Variants in ZMAT4 observed in about 807,000 individuals in gnomAD.
The protein encoded by ZMAT4 is zinc finger matrin-type 4.
Under a neutral mutation model 28.7 loss-of-function variants are expected in ZMAT4, and 17 were observed. That is an observed-to-expected ratio of 0.59 (90% CI 0.41 to 0.89). ZMAT4 has a LOEUF of 0.89. ZMAT4 is among the 40% of genes least tolerant of loss of function. ZMAT4 has a pLI of 0.00. For synonymous variants in ZMAT4, 117 were observed against 109.2 expected, an observed-to-expected ratio of 1.07 and a Z score of -0.44; for missense variants, 240 against 283.8, an observed-to-expected ratio of 0.85 and a Z score of 1.11.
At chr8:40,559,129 GACTA>G (rs746117465) in intron 6 of ZMAT4, among the ~76,000 whole-genome samples, 7 of 152,256 alleles carry the variant, frequency 4.6e-5, no homozygotes, top group South Asian at 4.1e-4. Context: ...ACCAGACACT[GACTA>G]ACTGAGTCCT....
chr8:40,578,928 G>C (rs546094890), intron 6 of ZMAT4, among the ~76,000 whole-genome samples: 6 of 152,314 alleles, frequency 3.9e-5, no homozygotes, highest in African/African-American at 1.4e-4. Flanking sequence ...GAATGACATG[G>C]AGTAAGTGGA....
intron 1 of ZMAT4, among the ~76,000 whole-genome samples, chr8:40,828,373 T>C (rs1586128133): frequency 6.6e-6 from 1 of 152,248 alleles, no homozygotes; most frequent in East Asian, 1.9e-4. Context: ...ATGACCTGGT[T>C]AATAGGAATC....
chr8:40,575,017 T>C (rs1418285935), intron 6 of ZMAT4, among the ~76,000 whole-genome samples: 1 of 152,198 alleles, frequency 6.6e-6, no homozygotes, highest in African/African-American at 2.4e-5. Context: ...GGGGAGCTGA[T>C]AGCCACTGTG....
chr8:40,856,401 C>T (rs1036622543), intron 1 of ZMAT4, among the ~76,000 whole-genome samples: 1 of 152,152 alleles, frequency 6.6e-6, no homozygotes, highest in Admixed American at 6.5e-5. Context: ...GGGAGGACAG[C>T]ATGGGCAAAG....
intron 5 of ZMAT4, among the ~76,000 whole-genome samples, chr8:40,653,859 A>C (rs1807797525): frequency 6.6e-6 from 1 of 152,210 alleles, no homozygotes; most frequent in Non-Finnish European, 1.5e-5. Flanking sequence ...CCAATCCTTC[A>C]CAAAGTCTTT....
chr8:40,532,900 A>G (rs1437132327), intron 6 of ZMAT4, among the ~76,000 whole-genome samples: 1 of 152,008 alleles, frequency 6.6e-6, no homozygotes, highest in African/African-American at 2.4e-5. Flanking sequence ...AGGCTGAAGC[A>G]GGAGAATCGC....
At chr8:40,864,814 C>G (rs563261891) in intron 1 of ZMAT4, among the ~76,000 whole-genome samples, 1 of 152,246 alleles carries the variant, frequency 6.6e-6, no homozygotes, top group African/African-American at 2.4e-5. Context: ...TTCCCAAAAC[C>G]TGAACTATAT....
At chr8:40,652,768 T>C (rs374090364) in intron 5 of ZMAT4, among the ~76,000 whole-genome samples, 2 of 130,052 alleles carry the variant, frequency 1.5e-5, no homozygotes, top group South Asian at 2.9e-4. Flanking sequence ...AAATGATGAG[T>C]TCATGTCCTT....
intron 2 of ZMAT4, among the ~76,000 whole-genome samples, chr8:40,796,447 C>G (rs923686270): frequency 1.3e-5 from 2 of 152,148 alleles, no homozygotes; most frequent in Non-Finnish European, 2.9e-5. Flanking sequence ...GAGAAAAGCA[C>G]TTGAGGAAGG....
At chr8:40,820,158 ATGTGTGTGTG>A (rs138729547) in intron 2 of ZMAT4, among the ~76,000 whole-genome samples, 2 of 147,250 alleles carry the variant, frequency 1.4e-5, no homozygotes, top group Non-Finnish European at 3.0e-5. Context: ...ATATGCGAAT[ATGTGTGTGTG>A]TGTGTGTGTG....
chr8:40,706,172 A>C (rs147722529), intron 3 of ZMAT4, among the ~76,000 whole-genome samples: 6,931 of 151,956 alleles, frequency 0.046, 297 homozygotes, highest in East Asian at 0.24. Context: ...CCTGCCTCAG[A>C]CTCCTGAGTA....
intron 5 of ZMAT4, among the ~76,000 whole-genome samples, chr8:40,586,657 T>A (rs1252139318): frequency 6.6e-6 from 1 of 152,218 alleles, no homozygotes; most frequent in Non-Finnish European, 1.5e-5. Context: ...CTACTCAATA[T>A]GTCTTTTCAA....
At chr8:40,675,630 G>A (rs956382849) in intron 4 of ZMAT4, among the ~76,000 whole-genome samples, 7 of 152,088 alleles carry the variant, frequency 4.6e-5, no homozygotes, top group African/African-American at 1.2e-4. Flanking sequence ...AAAAGATTCC[G>A]AATGAATGAA....
intron 2 of ZMAT4, among the ~76,000 whole-genome samples, chr8:40,824,602 T>A (rs1037862687): frequency 7.0e-6 from 1 of 143,432 alleles, no homozygotes; most frequent in Non-Finnish European, 1.5e-5. Flanking sequence ...AGTGAGACGC[T>A]ATCTCAGAAA....
At chr8:40,832,952 C>T (rs1156364563) in intron 1 of ZMAT4, among the ~76,000 whole-genome samples, 1 of 152,160 alleles carries the variant, frequency 6.6e-6, no homozygotes, top group Non-Finnish European at 1.5e-5. Context: ...ACCTTAAACC[C>T]ATATTTGGTA....
chr8:40,546,644 A>T (rs1179031683), intron 6 of ZMAT4, among the ~76,000 whole-genome samples: 1 of 152,168 alleles, frequency 6.6e-6, no homozygotes, highest in Non-Finnish European at 1.5e-5. Flanking sequence ...TCCTCACAGG[A>T]AAGTGCCAGT....
At chr8:40,809,444 G>A (rs1267187378) in intron 2 of ZMAT4, among the ~76,000 whole-genome samples, 2 of 151,922 alleles carry the variant, frequency 1.3e-5, no homozygotes, top group Non-Finnish European at 2.9e-5. Flanking sequence ...TAACAAACCT[G>A]TACATGTATC....
intron 3 of ZMAT4, among the ~76,000 whole-genome samples, chr8:40,767,112 C>T (rs1159208236): frequency 3.9e-5 from 6 of 152,152 alleles, no homozygotes; most frequent in African/African-American, 9.7e-5. Context: ...TCCCTCAAAG[C>T]GACTTTATAA....
intron 1 of ZMAT4, among the ~76,000 whole-genome samples, chr8:40,829,531 G>A (rs901601578): frequency 1.3e-5 from 2 of 152,186 alleles, no homozygotes; most frequent in Non-Finnish European, 2.9e-5. Flanking sequence ...AAGCATCAAG[G>A]AGGAGTGCTT....
Sources: allele counts gnomAD v4.1 joint callset (sites outside exome capture counted in the v4.1 genomes callset), GRCh38; gene constraint gnomAD v4.1.1; transcripts MANE v1.5; gene names NCBI Gene and HGNC (gene_info 2026-07-23, HGNC 2026-07-21).